CPS1: variants seen among roughly 807,000 people sequenced by gnomAD.
CPS1 encodes carbamoyl-phosphate synthase 1, also known as carbamoyl-phosphate synthase [ammonia], mitochondrial.
Under a neutral mutation model 174.6 loss-of-function variants are expected in CPS1, and 109 were observed. The observed-to-expected ratio is 0.62, with a 90% confidence interval of 0.53 to 0.73. The LOEUF (loss-of-function observed/expected upper bound fraction) is 0.73, where lower values mean the gene tolerates loss of function less well. CPS1 is among the 30% of genes least tolerant of loss of function. The pLI is 0.00. For synonymous variants in CPS1, 637 were observed against 632.0 expected, an observed-to-expected ratio of 1.01 and a Z score of -0.12; for missense variants, 1,689 against 1,821.9, an observed-to-expected ratio of 0.93 and a Z score of 1.33.
intron 21 of CPS1, chr2:210,619,908 G>A (rs2105871747): frequency 6.6e-6 from 1 of 151,790 alleles, no homozygotes; most frequent in African/African-American, 2.4e-5. Flanking sequence ...CACAGGGAGG[G>A]GAACATCACA....
intron 1 of CPS1, among the ~76,000 whole-genome samples, chr2:210,493,733 G>T (rs925367329): frequency 6.6e-6 from 1 of 152,174 alleles, no homozygotes; most frequent in Non-Finnish European, 1.5e-5. Flanking sequence ...AACAAAGGAA[G>T]TTGTTGTTTT....
rs201256385 is a variant in CPS1, at chr2:210,606,815, G to A, written c.2066G>A (p.Arg689His). Residue 689 changes from arginine to histidine, a missense_variant, in exon 18 of 38, where the codon CGC becomes CAC. By Grantham distance (29) the Arg-to-His change is conservative. Coordinates refer to ENST00000233072, the MANE Select transcript of CPS1 (RefSeq NM_001875.5). Reference sequence around the variant, plus strand: ...AGACGTACTTCAATCAATGTTGTTCGCCACTTGGGCATTGTGGGTGAATGC... The same window carrying A: ...AGACGTACTTCAATCAATGTTGTTCACCACTTGGGCATTGTGGGTGAATGC... ...MLRRTSINVVRHLGIVGECNI... is the reference protein window; with the variant it reads ...MLRRTSINVVHHLGIVGECNI... 37 of 1,612,566 alleles carry A rather than the reference G, an allele frequency of 2.3e-5. No homozygotes were observed. The highest frequency in any genetic ancestry group is 2.2e-4 in the Admixed American group (13 of 59,818).
chr2:210,497,213 C>G (rs960016253), intron 1 of CPS1, among the ~76,000 whole-genome samples: 1 of 152,086 alleles, frequency 6.6e-6, no homozygotes. Context: ...TTCAAATAAT[C>G]TTTAAGCAAG....
chr2:210,675,277 T>C (rs1053222339), intron 35 of CPS1, among the ~76,000 whole-genome samples: 5 of 152,196 alleles, frequency 3.3e-5, no homozygotes, highest in Admixed American at 6.5e-5. Context: ...TTATAGATTC[T>C]AGCTGTGACA....
At chr2:210,645,392 T>G (rs1396489553) in intron 25 of CPS1, among the ~76,000 whole-genome samples, 1 of 152,220 alleles carries the variant, frequency 6.6e-6, no homozygotes, top group Non-Finnish European at 1.5e-5. Context: ...TAACTACACC[T>G]GAAATGAGCC....
chr2:210,546,830 CCTTTG>C (rs1696576878), intron 1 of CPS1, among the ~76,000 whole-genome samples: 1 of 151,888 alleles, frequency 6.6e-6, no homozygotes, highest in Non-Finnish European at 1.5e-5. Flanking sequence ...ACACATTTCT[CCTTTG>C]ATTCATTTCT....
intron 20 of CPS1, among the ~76,000 whole-genome samples, chr2:210,615,499 C>T (rs1699276131): frequency 6.6e-6 from 1 of 151,870 alleles, no homozygotes; most frequent in Non-Finnish European, 1.5e-5. Flanking sequence ...TTACTAGTTG[C>T]ATATATTTCT....
chr2:210,668,341 G>A, intron 34 of CPS1, 57 bp downstream of exon 34: 1 of 1,205,122 alleles, frequency 8.3e-7, no homozygotes, highest in Non-Finnish European at 1.2e-6. Flanking sequence ...GTGGGGAGGG[G>A]CAGGATAGAA....
At chr2:210,499,057 C>T (rs1379089922) in intron 1 of CPS1, among the ~76,000 whole-genome samples, 1 of 151,974 alleles carries the variant, frequency 6.6e-6, no homozygotes, top group Non-Finnish European at 1.5e-5. Flanking sequence ...ACAGTCTCCA[C>T]ACAGGAATGG....
At chr2:210,668,730 C>G (rs1701190426) in intron 34 of CPS1, among the ~76,000 whole-genome samples, 1 of 152,018 alleles carries the variant, frequency 6.6e-6, no homozygotes, top group South Asian at 2.1e-4. Context: ...TCTATAGTAC[C>G]TACTCTTCTA....
intron 21 of CPS1, among the ~76,000 whole-genome samples, chr2:210,630,095 A>C (rs998058402): frequency 7.3e-5 from 11 of 150,950 alleles, no homozygotes; most frequent in East Asian, 1.9e-4. Context: ...AACAAAACAA[A>C]AAAAAAAAAC....
intron 1 of CPS1, among the ~76,000 whole-genome samples, chr2:210,484,028 A>T (rs1181979488): frequency 6.6e-6 from 1 of 152,168 alleles, no homozygotes; most frequent in Non-Finnish European, 1.5e-5. Flanking sequence ...CACAAATAAG[A>T]AACTGAATAA....
chr2:210,494,555 T>TCAAG (rs1694945162), intron 1 of CPS1, among the ~76,000 whole-genome samples: 1 of 152,238 alleles, frequency 6.6e-6, no homozygotes, highest in Non-Finnish European at 1.5e-5. Context: ...TCAAGATTTG[T>TCAAG]GTGGGAGATG....
At chr2:210,521,850 G>A (rs954212373) in intron 1 of CPS1, among the ~76,000 whole-genome samples, 1 of 151,734 alleles carries the variant, frequency 6.6e-6, no homozygotes, top group African/African-American at 2.4e-5. Flanking sequence ...ATTTTTATTG[G>A]ATGTCAGACA....
intron 1 of CPS1, among the ~76,000 whole-genome samples, chr2:210,548,685 CT>C (rs35055125): frequency 6.6e-6 from 1 of 151,814 alleles, no homozygotes. Flanking sequence ...TCTTGTTCTT[CT>C]TTTTTTTCCC....
chr2:210,506,690 A>G (rs955209351), intron 1 of CPS1, among the ~76,000 whole-genome samples: 1 of 152,254 alleles, frequency 6.6e-6, no homozygotes, highest in Non-Finnish European at 1.5e-5. Context: ...AAAGGACCTG[A>G]TGGAGCTGAA....
At position 210,670,959 on chromosome 2, in the gene CPS1, A is replaced by G. The variant is rs150200110; in HGVS notation, c.4101+2675A>G. ...AATCTATTACATTCCCTGTGTCTCTACCAAGGCATTTCTAACATAAGAAAG... is the reference window on the plus strand; with the variant it reads ...AATCTATTACATTCCCTGTGTCTCTGCCAAGGCATTTCTAACATAAGAAAG... On this transcript the variant is annotated intron_variant, in intron 34 of 37. Transcript: ENST00000233072. 7.0e-3 allele frequency among the ~76,000 whole-genome samples: 1,060 copies of G among 152,316 alleles called. 11 individuals carry two copies. Among genetic ancestry groups the G allele is most frequent in the African/African-American group, 0.024 (1,000 of 41,584 alleles).
intron 1 of CPS1, among the ~76,000 whole-genome samples, chr2:210,550,673 C>T (rs1291476340): frequency 6.6e-6 from 1 of 151,918 alleles, no homozygotes; most frequent in African/African-American, 2.4e-5. Context: ...CCTATTTTCA[C>T]TTACTGGCAT....
intron 1 of CPS1, among the ~76,000 whole-genome samples, chr2:210,492,357 T>C (rs1694895938): frequency 6.6e-6 from 1 of 152,216 alleles, no homozygotes; most frequent in African/African-American, 2.4e-5. Context: ...ATAGGACAGC[T>C]ACTGTGAATA....
Sources: allele counts gnomAD v4.1 joint callset (sites outside exome capture counted in the v4.1 genomes callset), GRCh38; gene constraint gnomAD v4.1.1; transcripts MANE v1.5; gene names NCBI Gene and HGNC (gene_info 2026-07-23, HGNC 2026-07-21).